PUDP: variants seen among roughly 807,000 people sequenced by gnomAD.
PUDP encodes the protein pseudouridine 5'-phosphatase.
Under a neutral mutation model 9.4 loss-of-function variants are expected in PUDP, and 8 were observed. The observed-to-expected ratio is 0.85, with a 90% confidence interval of 0.50 to 1.53. The LOEUF (loss-of-function observed/expected upper bound fraction) is 1.53. Ranked by LOEUF, PUDP falls within the 40% of genes most tolerant of loss-of-function variation. The probability of loss-of-function intolerance (pLI) is 0.00; values close to 1 mark genes in which losing one functional copy is unlikely to be tolerated. For missense variants in PUDP, 188 were observed against 189.7 expected (o/e 0.99, Z 0.05); for synonymous variants, 99 against 80.7 (o/e 1.23, Z -1.22).
chrX:7,128,389 G>A (rs1932536477), intron 1 of PUDP, among the ~76,000 whole-genome samples: 1 of 111,694 alleles, frequency 9.0e-6, no homozygotes, highest in Admixed American at 9.5e-5. Context: ...AAAAGCTTAG[G>A]GAAAAGAAAG....
chrX:6,861,144 A>G (rs1463180254), intron 3 of PUDP, among the ~76,000 whole-genome samples: 1 of 111,988 alleles, frequency 8.9e-6, no homozygotes, highest in Non-Finnish European at 1.9e-5. Flanking sequence ...AAGTTTCATC[A>G]AGTAATACCC....
At chrX:6,766,523 G>C (rs1925287413) in intron 3 of PUDP, among the ~76,000 whole-genome samples, 6 of 111,884 alleles carry the variant, frequency 5.4e-5, no homozygotes, top group Admixed American at 4.7e-4. Flanking sequence ...AGTAGACTGT[G>C]ATAGTTATGA....
chrX:7,035,985 C>T (rs12557001), intron 1 of PUDP, among the ~76,000 whole-genome samples: 24,473 of 110,608 alleles, frequency 0.22, 2,296 homozygotes, highest in Admixed American at 0.4. Context: ...GGCCACCTCC[C>T]CGGTTTCTCT....
At chrX:6,999,093 G>A (rs1929288750) in intron 1 of PUDP, among the ~76,000 whole-genome samples, 1 of 111,080 alleles carries the variant, frequency 9.0e-6, no homozygotes, top group African/African-American at 3.3e-5. Context: ...AGTGATAAGC[G>A]CCATGCAATC....
At chrX:6,782,312 G>A (rs1430913001) in intron 3 of PUDP, among the ~76,000 whole-genome samples, 1 of 111,585 alleles carries the variant, frequency 9.0e-6, no homozygotes, top group Non-Finnish European at 1.9e-5. Context: ...GCTCACGTCT[G>A]TAATCCCAGC....
intron 3 of PUDP, among the ~76,000 whole-genome samples, chrX:6,967,136 C>G (rs958221972): frequency 1.8e-5 from 2 of 111,849 alleles, no homozygotes; most frequent in African/African-American, 6.5e-5. Context: ...CTGTAGGACT[C>G]CTTTCCCAGA....
chrX:6,776,063 T>A (rs970495473), intron 3 of PUDP, among the ~76,000 whole-genome samples: 1 of 111,986 alleles, frequency 8.9e-6, no homozygotes, highest in African/African-American at 3.3e-5. Flanking sequence ...CTGGAGAACG[T>A]CACTGGACAT....
intron 1 of PUDP, among the ~76,000 whole-genome samples, chrX:7,024,754 C>CTTTTTTTTTTT (rs55692944): frequency 1.3e-4 from 7 of 54,454 alleles, no homozygotes; most frequent in South Asian, 1.2e-3. Flanking sequence ...GCCCGGCTAA[C>CTTTTTTTTTTT]TTTTTTTTTT....
chrX:7,006,010 T>G (rs180915015), intron 1 of PUDP, among the ~76,000 whole-genome samples: 2 of 112,284 alleles, frequency 1.8e-5, no homozygotes, highest in Non-Finnish European at 3.8e-5. Flanking sequence ...TGTGAAAATT[T>G]TTTTCCTTTT....
At chrX:6,907,357 G>A (rs62590423) in intron 3 of PUDP, among the ~76,000 whole-genome samples, 15,517 of 111,004 alleles carry the variant, frequency 0.14, 946 homozygotes, top group Non-Finnish European at 0.19. Flanking sequence ...ACAAATTACC[G>A]AATCTCAGGT....
intron 3 of PUDP, among the ~76,000 whole-genome samples, chrX:6,858,393 A>G (rs780755437): frequency 3.9e-5 from 4 of 102,571 alleles, no homozygotes; most frequent in African/African-American, 1.4e-4. Flanking sequence ...GCAGTGGCAC[A>G]ATGATGGCTC....
At chrX:7,076,187 G>A (rs1230113293) in intron 3 of PUDP, among the ~76,000 whole-genome samples, 2 of 112,013 alleles carry the variant, frequency 1.8e-5, no homozygotes, top group Non-Finnish European at 3.8e-5. Flanking sequence ...AGACTACTCC[G>A]GTAGCTCCGC....
intron 3 of PUDP, chrX:7,057,598 C>G: frequency 1.8e-6 from 2 of 1,090,291 alleles, no homozygotes; most frequent in Non-Finnish European, 2.4e-6. Flanking sequence ...ATTTTGGTGG[C>G]AGGAAGGAGA....
At chrX:6,890,178 C>T (rs968886854) in intron 3 of PUDP, among the ~76,000 whole-genome samples, 1 of 111,851 alleles carries the variant, frequency 8.9e-6, no homozygotes, top group Admixed American at 9.5e-5. Context: ...CCCACTGTGG[C>T]AGACCAAGTA....
intron 3 of PUDP, among the ~76,000 whole-genome samples, chrX:6,846,974 G>C (rs760932086): frequency 1.2e-4 from 13 of 111,341 alleles, no homozygotes; most frequent in Non-Finnish European, 2.4e-4. Context: ...TCCATCTAAA[G>C]TCCAGCTATG....
intron 1 of PUDP, among the ~76,000 whole-genome samples, chrX:6,999,997 G>T (rs1929303455): frequency 9.1e-6 from 1 of 110,420 alleles, no homozygotes; most frequent in Non-Finnish European, 1.9e-5. Context: ...AAGACATTGT[G>T]TATCCACCAA....
chrX:7,094,353 A>AT (rs57548230), intron 2 of PUDP, among the ~76,000 whole-genome samples: 140 of 73,443 alleles, frequency 1.9e-3, no homozygotes, highest in East Asian at 0.01. Flanking sequence ...GAATAAGCTG[A>AT]TTTTTTTTTT....
At chrX:6,996,167 T>C (rs1929247508) in intron 1 of PUDP, among the ~76,000 whole-genome samples, 1 of 112,190 alleles carries the variant, frequency 8.9e-6, no homozygotes, top group Admixed American at 9.5e-5. Flanking sequence ...CTACCTCTCC[T>C]CTGCCCTGGG....
At chrX:6,776,102 G>A (rs980456249) in intron 3 of PUDP, among the ~76,000 whole-genome samples, 5 of 111,802 alleles carry the variant, frequency 4.5e-5, no homozygotes, top group Admixed American at 3.8e-4. Context: ...TCCCCATTGA[G>A]TGCGATCACC....
Sources: gnomAD v4.1 joint callset for allele counts (sites outside exome capture counted in the v4.1 genomes callset) on GRCh38, gnomAD v4.1.1 for gene constraint, MANE v1.5 for transcripts, NCBI Gene and HGNC (gene_info 2026-07-23, HGNC 2026-07-21) for gene names.